Variants in GRIN3A observed in about 807,000 individuals in gnomAD.
The protein encoded by GRIN3A is glutamate ionotropic receptor NMDA type subunit 3A.
In GRIN3A, 47 loss-of-function variants were observed where a neutral mutation model predicts 92.4. The observed-to-expected ratio is 0.51, with a 90% CI of 0.40 to 0.65. The LOEUF is 0.65. Ranked by LOEUF, GRIN3A falls within the 30% of genes least tolerant of loss-of-function variation. GRIN3A has a pLI of 0.00. For synonymous variants in GRIN3A, 527 were observed against 540.6 expected (o/e 0.97, Z 0.35); for missense variants, 1,324 against 1,393.1 (o/e 0.95, Z 0.79).
chr9:101,724,457 C>G (rs940210919), intron 1 of GRIN3A, among the ~76,000 whole-genome samples: 1 of 152,132 alleles, frequency 6.6e-6, no homozygotes, highest in Non-Finnish European at 1.5e-5. Context: ...AGCTGACCTG[C>G]GCGCGCAGCC....
chr9:101,606,898 A>T (rs1828290665), intron 6 of GRIN3A, among the ~76,000 whole-genome samples: 1 of 149,046 alleles, frequency 6.7e-6, no homozygotes, highest in Admixed American at 6.8e-5. Flanking sequence ...GGAGTTGAAA[A>T]AAATTACATT....
At chr9:101,597,824 T>C (rs1333949581) in intron 6 of GRIN3A, among the ~76,000 whole-genome samples, 2 of 151,832 alleles carry the variant, frequency 1.3e-5, no homozygotes, top group Non-Finnish European at 3.0e-5. Flanking sequence ...AAATATAGTA[T>C]ATATATGATA....
Position 101,670,219 on chromosome 9 carries a change from T to C in GRIN3A, c.2193A>G (p.Thr731=). The C allele has an allele frequency of 6.2e-7, 1 of 1,614,046 alleles. No individual in the cohort carries two copies. Among genetic ancestry groups the C allele is most frequent in the Non-Finnish European group, 8.5e-7 (1 of 1,179,934 alleles). Residue 731 remains threonine, a synonymous_variant, in exon 3 of 9, where the codon ACA becomes ACG. Coordinates refer to ENST00000361820, the MANE Select transcript of GRIN3A (RefSeq NM_133445.3). ...AACATTTTGGAGGTTTGATGGCCAC[T>C]GTTCTGCCAAACAAGAGGGCATAAC... ...NICYALLFGR[T]VAIKPPKCWT...
At chr9:101,696,512 G>A (rs1416652838) in intron 1 of GRIN3A, among the ~76,000 whole-genome samples, 1 of 150,504 alleles carries the variant, frequency 6.6e-6, no homozygotes, top group Non-Finnish European at 1.5e-5. Flanking sequence ...ACTGATTTTA[G>A]TTCCTAATTC....
intron 6 of GRIN3A, chr9:101,594,945 G>C: frequency 6.3e-7 from 1 of 1,589,758 alleles, no homozygotes; most frequent in African/African-American, 1.3e-5. Flanking sequence ...CAACGGCCAC[G>C]GCTCAAAGGG....
intron 1 of GRIN3A, among the ~76,000 whole-genome samples, chr9:101,716,452 CATT>C (rs1272862785): frequency 6.6e-6 from 1 of 152,140 alleles, no homozygotes; most frequent in Non-Finnish European, 1.5e-5. Flanking sequence ...ATCATTATCT[CATT>C]ATTTCTATTT....
chr9:101,604,073 T>A (rs1411042758), intron 6 of GRIN3A, among the ~76,000 whole-genome samples: 1 of 152,098 alleles, frequency 6.6e-6, no homozygotes, highest in Non-Finnish European at 1.5e-5. Context: ...TCTGTATTCA[T>A]CTCTGCATTG....
intron 1 of GRIN3A, among the ~76,000 whole-genome samples, chr9:101,734,299 A>G (rs1158624539): frequency 3.3e-5 from 5 of 152,240 alleles, no homozygotes; most frequent in African/African-American, 9.6e-5. Flanking sequence ...GGTTATAAGA[A>G]TAGAATTTAG....
At chr9:101,682,504 AT>A (rs1182313669) in intron 2 of GRIN3A, among the ~76,000 whole-genome samples, 1 of 152,164 alleles carries the variant, frequency 6.6e-6, no homozygotes, top group East Asian at 1.9e-4. Flanking sequence ...ATTTACTTAC[AT>A]TTCGACCTCA....
At chr9:101,652,029 T>C (rs1467942142) in intron 3 of GRIN3A, among the ~76,000 whole-genome samples, 1 of 151,972 alleles carries the variant, frequency 6.6e-6, no homozygotes, top group Non-Finnish European at 1.5e-5. Context: ...AAATGAAGAA[T>C]TTGGATTTAA....
chr9:101,680,214 T>A (rs1239533991), intron 2 of GRIN3A, among the ~76,000 whole-genome samples: 1 of 152,180 alleles, frequency 6.6e-6, no homozygotes, highest in Non-Finnish European at 1.5e-5. Flanking sequence ...GGACAGAATA[T>A]CCAAAATTAG....
intron 3 of GRIN3A, among the ~76,000 whole-genome samples, chr9:101,636,585 G>T (rs1828788386): frequency 6.6e-6 from 1 of 152,138 alleles, no homozygotes; most frequent in African/African-American, 2.4e-5. Flanking sequence ...CTTACCTCTA[G>T]TATATATTGT....
At chr9:101,617,168 CCG>C (rs1828470025) in intron 5 of GRIN3A, among the ~76,000 whole-genome samples, 1 of 145,550 alleles carries the variant, frequency 6.9e-6, no homozygotes, top group Non-Finnish European at 1.5e-5. Flanking sequence ...CCACTGCAGT[CCG>C]CAGTCCGGCA....
At chr9:101,599,363 CATT>C (rs1167311675) in intron 6 of GRIN3A, among the ~76,000 whole-genome samples, 19 of 152,168 alleles carry the variant, frequency 1.2e-4, no homozygotes, top group African/African-American at 4.1e-4. Flanking sequence ...GAGGAGGTAA[CATT>C]ATGCTAGATC....
intron 5 of GRIN3A, among the ~76,000 whole-genome samples, chr9:101,621,792 G>A (rs1828559527): frequency 2.0e-5 from 3 of 152,156 alleles, no homozygotes; most frequent in Non-Finnish European, 4.4e-5. Flanking sequence ...GGAAAATGGA[G>A]CCCCTCATTC....
chr9:101,734,256 G>C (rs1404640036), intron 1 of GRIN3A, among the ~76,000 whole-genome samples: 1 of 152,178 alleles, frequency 6.6e-6, no homozygotes, highest in Non-Finnish European at 1.5e-5. Flanking sequence ...GGTGTAAATG[G>C]AATTAGGTTC....
At chr9:101,734,911 A>G (rs910779995) in intron 1 of GRIN3A, among the ~76,000 whole-genome samples, 1 of 151,972 alleles carries the variant, frequency 6.6e-6, no homozygotes, top group African/African-American at 2.4e-5. Context: ...GATGGTGGCT[A>G]GATTAAGTCA....
In GRIN3A at chr9:101,737,467, C is replaced by A; in HGVS notation, c.513G>T (p.Ser171=). 2 of 1,614,238 alleles carry A rather than the reference C, an allele frequency of 1.2e-6. No individual in the cohort carries two copies. The highest frequency in any genetic ancestry group is 1.7e-6 in the Non-Finnish European group (2 of 1,180,042). Reference sequence around the variant, plus strand: ...AGGAGAAAGGGTCACTGCTCCATGGCGAACTAGGGGAGGAGAAGGGCAAAA... The same window carrying A: ...AGGAGAAAGGGTCACTGCTCCATGGAGAACTAGGGGAGGAGAAGGGCAAAA... ...LPLLPFSSPS[S]PWSSDPFSFL... The change falls in exon 1 of 9, where the codon TCG becomes TCT. Residue 171 remains serine (S), a synonymous_variant. Transcript: ENST00000361820.
intron 6 of GRIN3A, chr9:101,594,799 C>G: frequency 6.2e-7 from 1 of 1,613,264 alleles, no homozygotes; most frequent in African/African-American, 1.3e-5. Context: ...ACATGAACTC[C>G]TCCACGCTCA....
Sources: allele counts gnomAD v4.1 joint callset (sites outside exome capture counted in the v4.1 genomes callset), GRCh38; gene constraint gnomAD v4.1.1; transcripts MANE v1.5; gene names NCBI Gene and HGNC (gene_info 2026-07-23, HGNC 2026-07-21).